The following SOX5 variants were observed in gnomAD, a reference collection of about 807,000 sequenced individuals.
SOX5 encodes SRY-box transcription factor 5, also known as transcription factor SOX-5.
In SOX5, 9 loss-of-function variants were observed where a neutral mutation model predicts 92.0. That is an observed-to-expected ratio of 0.10 (90% confidence interval 0.06 to 0.17). The LOEUF is 0.17. Among genes scored for constraint, SOX5 ranks in the 10% least tolerant of loss-of-function variants. The pLI, the probability that SOX5 is intolerant of heterozygous loss-of-function variation, is 1.00. For synonymous variants in SOX5, 344 were observed against 336.3 expected (o/e 1.02, Z -0.25); for missense variants, 642 against 944.5 (o/e 0.68, Z 4.20).
intron 1 of SOX5, among the ~76,000 whole-genome samples, chr12:24,534,258 TG>T (rs895803861): frequency 2.0e-5 from 3 of 151,310 alleles, no homozygotes; most frequent in Non-Finnish European, 4.4e-5. Context: ...TTCTTTTCTT[TG>T]CTTTTTTTTT....
At position 23,770,683 on chromosome 12, in the gene SOX5, T is replaced by A. The variant is rs187290235; in HGVS notation, c.482-14959A>T. ...AATTGATTGCAGCTGGGAACTGTCA[T>A]CCCATCAGTAAGCAGCACCTAACTG... On this transcript the variant is annotated intron_variant, in intron 3 of 14. Coordinates refer to ENST00000451604, the MANE Select transcript of SOX5 (RefSeq NM_006940.6). 3.8e-3 allele frequency among the ~76,000 whole-genome samples: 580 copies of A among 152,276 alleles called. 1 individual carries two copies. The highest frequency in any genetic ancestry group is 6.2e-3 in the Non-Finnish European group (423 of 68,024).
Position 23,979,698 on chromosome 12 carries a change from G to GTTTTTTTTTTTTTTTT in SOX5, c.-1-83675_-1-83674insAAAAAAAAAAAAAAAA, listed in dbSNP as rs67253622. Among the ~76,000 whole-genome samples the GTTTTTTTTTTTTTTTT allele has an allele frequency of 1.7e-3, 111 of 64,706 alleles. 42 individuals carry two copies. Among genetic ancestry groups the GTTTTTTTTTTTTTTTT allele is most frequent in the East Asian group, 0.011 (14 of 1,284 alleles). 42.4% of individuals were successfully genotyped at this position (64,706 alleles called of 152,430 possible). A position where few individuals can be genotyped will look rare whatever the true frequency, so the allele number is the denominator to read the frequency against. ...TTCTTCCTTCCATATATATATATATGTTTTTTTTGTTTTTTTTTTTTTTTT... is the reference window on the plus strand; with the variant it reads ...TTCTTCCTTCCATATATATATATATGTTTTTTTTTTTTTTTTTTTTTTTTGTTTTTTTTTTTTTTTT... On this transcript the variant is annotated intron_variant, in intron 4 of 4. Transcript: ENST00000446891.
At chr12:24,439,956 G>A (rs1169538055) in intron 1 of SOX5, among the ~76,000 whole-genome samples, 2 of 152,158 alleles carry the variant, frequency 1.3e-5, no homozygotes, top group East Asian at 1.9e-4. Context: ...CAGGAAATAC[G>A]CAAGTGCATG....
At chr12:23,540,106 AAAG>A (rs1223867114) in intron 13 of SOX5, among the ~76,000 whole-genome samples, 4 of 151,566 alleles carry the variant, frequency 2.6e-5, no homozygotes, top group African/African-American at 7.3e-5. Flanking sequence ...AAAAAAAAAA[AAAG>A]AGAGAAAAAA....
chr12:23,924,733 G>A (rs990817936), intron 1 of SOX5, among the ~76,000 whole-genome samples: 2 of 151,870 alleles, frequency 1.3e-5, no homozygotes, highest in East Asian at 1.9e-4. Context: ...AAGTTGCTTC[G>A]CGTTGGTTTT....
At chr12:23,939,770 G>C (rs1465540479) in intron 1 of SOX5, among the ~76,000 whole-genome samples, 3 of 150,132 alleles carry the variant, frequency 2.0e-5, no homozygotes, top group East Asian at 3.9e-4. Flanking sequence ...ATACTTCATT[G>C]CTTTTTGCTC....
At chr12:23,987,170 A>G (rs752930639) in intron 4 of SOX5, among the ~76,000 whole-genome samples, 6 of 152,208 alleles carry the variant, frequency 3.9e-5, no homozygotes, top group South Asian at 4.1e-4. Context: ...AAACTACATA[A>G]ATAAGCCAGA....
intron 9 of SOX5, among the ~76,000 whole-genome samples, chr12:23,600,688 A>G (rs1053582464): frequency 2.0e-4 from 31 of 151,686 alleles, no homozygotes; most frequent in African/African-American, 7.5e-4. Flanking sequence ...AAGCAACAAT[A>G]TGCATGTTCT....
intron 2 of SOX5, among the ~76,000 whole-genome samples, chr12:24,361,270 C>G (rs1183600619): frequency 6.6e-6 from 1 of 152,156 alleles, no homozygotes; most frequent in Non-Finnish European, 1.5e-5. Context: ...GCATTCTTCT[C>G]ATACATGAAA....
chr12:24,110,552 GA>G (rs1175221133), intron 4 of SOX5, among the ~76,000 whole-genome samples: 1 of 152,122 alleles, frequency 6.6e-6, no homozygotes, highest in African/African-American at 2.4e-5. Context: ...GAATGTATTA[GA>G]AGTGCCTCAT....
At chr12:24,401,913 C>G (rs1448472185) in intron 1 of SOX5, among the ~76,000 whole-genome samples, 1 of 152,012 alleles carries the variant, frequency 6.6e-6, no homozygotes, top group Non-Finnish European at 1.5e-5. Flanking sequence ...CTTTTATGAT[C>G]TATGCATGTA....
intron 4 of SOX5, among the ~76,000 whole-genome samples, chr12:24,111,126 A>G (rs983200554): frequency 6.6e-6 from 1 of 152,028 alleles, no homozygotes; most frequent in African/African-American, 2.4e-5. Context: ...CAACTGGGAA[A>G]AGCAAAAATG....
intron 1 of SOX5, among the ~76,000 whole-genome samples, chr12:23,939,080 T>C (rs1378302888): frequency 6.6e-6 from 1 of 150,968 alleles, no homozygotes; most frequent in Non-Finnish European, 1.5e-5. Context: ...TCATTTGCAT[T>C]GGGGGATAAA....
intron 4 of SOX5, among the ~76,000 whole-genome samples, chr12:24,024,393 A>T (rs1954648385): frequency 6.6e-6 from 1 of 152,032 alleles, no homozygotes; most frequent in African/African-American, 2.4e-5. Context: ...TGTTATTTCC[A>T]TCTACATTGC....
At chr12:24,213,434 A>AAAAAAG (rs1958869826) in intron 3 of SOX5, 1 of 150,508 alleles carries the variant, frequency 6.6e-6, no homozygotes, top group African/African-American at 2.4e-5. Flanking sequence ...AAAAAAAAAA[A>AAAAAAG]AAAAAGAAAA....
chr12:24,502,931 A>G (rs1276562578), intron 1 of SOX5, among the ~76,000 whole-genome samples: 2 of 152,232 alleles, frequency 1.3e-5, no homozygotes, highest in East Asian at 3.8e-4. Context: ...TTACAAAATA[A>G]TTGACTAGCA....
intron 4 of SOX5, among the ~76,000 whole-genome samples, chr12:24,194,610 T>C (rs1956841159): frequency 6.6e-6 from 1 of 152,090 alleles, no homozygotes; most frequent in East Asian, 1.9e-4. Flanking sequence ...ACATTAGAAG[T>C]CATAAAATGT....
chr12:24,363,224 A>T (rs1476406287), intron 2 of SOX5, among the ~76,000 whole-genome samples: 3 of 151,074 alleles, frequency 2.0e-5, no homozygotes, highest in Non-Finnish European at 4.4e-5. Flanking sequence ...CTCTCACCAG[A>T]CTCTTGGTTT....
intron 6 of SOX5, among the ~76,000 whole-genome samples, chr12:23,687,879 T>TC: frequency 6.6e-6 from 1 of 151,496 alleles, no homozygotes; most frequent in East Asian, 1.9e-4. Flanking sequence ...CAGTTCACTT[T>TC]TTTTTTTTCA....
Sources: allele counts gnomAD v4.1 joint callset (sites outside exome capture counted in the v4.1 genomes callset), GRCh38; gene constraint gnomAD v4.1.1; transcripts MANE v1.5; gene names NCBI Gene and HGNC (gene_info 2026-07-23, HGNC 2026-07-21).